Variants in EHD2 observed in about 807,000 individuals in gnomAD.
The protein encoded by EHD2 is EH domain containing 2.
EHD2 carries 27 observed loss-of-function variants against 41.0 expected under a neutral mutation model. The observed-to-expected ratio is 0.66, with a 90% CI of 0.49 to 0.91. The LOEUF is 0.91. EHD2 is among the 40% of genes least tolerant of loss of function. The pLI, the probability that EHD2 is intolerant of heterozygous loss-of-function variation, is 0.00. For missense variants in EHD2, 673 were observed against 773.9 expected (o/e 0.87, Z 1.55); for synonymous variants, 342 against 341.0 (o/e 1.00, Z -0.03).
chr19:47,721,020 C>G (rs886867617), intron 3 of EHD2, among the ~76,000 whole-genome samples: 2 of 152,010 alleles, frequency 1.3e-5, no homozygotes, highest in Non-Finnish European at 2.9e-5. Flanking sequence ...GTCTCTGTGT[C>G]TATGCCGTGT....
At chr19:47,737,520 G>A (rs1482998232) in intron 5 of EHD2, among the ~76,000 whole-genome samples, 2 of 151,224 alleles carry the variant, frequency 1.3e-5, no homozygotes, top group Non-Finnish European at 2.9e-5. Context: ...AGCTGGGCAT[G>A]GTGTTGCGTG....
At chr19:47,716,415 CTGTGACCACA>C (rs935203242) in intron 1 of EHD2, 133 bp from the exon 2 acceptor site, 21 of 548,730 alleles carry the variant, frequency 3.8e-5, no homozygotes, top group African/African-American at 3.8e-4. Context: ...CATCCATGCT[CTGTGACCACA>C]TATTTGTGAC....
chr19:47,736,256 C>A lies in EHD2; in HGVS notation c.916-113C>A, dbSNP rs1298017485. Reference sequence around the variant, plus strand: ...AATAAAAGAAATACAAATTCTCATGCCCCAGCCCAGACCAAGTAAATCAGA... The same window carrying A: ...AATAAAAGAAATACAAATTCTCATGACCCAGCCCAGACCAAGTAAATCAGA... On this transcript the variant is annotated intron_variant, in intron 4 of 5. Transcript: ENST00000263277. 7 of 956,074 alleles carry A rather than the reference C, an allele frequency of 7.3e-6. No individual in the cohort carries two copies. In the African/African-American group the frequency reaches 1.0e-4, roughly 14 times the overall value. The allele number at this position is 956,074 out of a possible 1,614,324, so 59.2% of individuals were successfully genotyped here. A position where few individuals can be genotyped will look rare whatever the true frequency, so the allele number is the denominator to read the frequency against.
Position 47,732,669 on chromosome 19 carries a change from C to G in EHD2, c.916-3700C>G, listed in dbSNP as rs373937203. Among the ~76,000 whole-genome samples, 102 of 152,254 alleles carry G rather than the reference C, an allele frequency of 6.7e-4. 2 individuals carry two copies. Among genetic ancestry groups the G allele is most frequent in the African/African-American group, 2.2e-3 (93 of 41,552 alleles). ...CTTCTGGCCTCAAGTGATCCTCCCC[C>G]CTTGGCTTCCCAAAGTGCTGGGATT... On this transcript the variant is annotated intron_variant, in intron 4 of 5. Coordinates refer to ENST00000263277, the MANE Select transcript of EHD2 (RefSeq NM_014601.4).
intron 4 of EHD2, 101 bp from the exon 5 acceptor site, chr19:47,736,268 C>T (rs1966921427): frequency 9.1e-7 from 1 of 1,104,656 alleles, no homozygotes; most frequent in Non-Finnish European, 1.3e-6. Context: ...CCAGCCCAGA[C>T]CAAGTAAATC....
chr19:47,735,548 T>A (rs987725230), intron 4 of EHD2, among the ~76,000 whole-genome samples: 1 of 151,474 alleles, frequency 6.6e-6, no homozygotes, highest in African/African-American at 2.4e-5. Flanking sequence ...CAGTAAGTTA[T>A]GATCGCACCA....
At chr19:47,739,108 T>A (rs1281175329) in intron 5 of EHD2, among the ~76,000 whole-genome samples, 1 of 151,714 alleles carries the variant, frequency 6.6e-6, no homozygotes, top group Non-Finnish European at 1.5e-5. Flanking sequence ...CCTGCACACT[T>A]TTTTGTTTTG....
Position 47,717,011 on chromosome 19 carries a change from C to T in EHD2, c.399C>T (p.Leu133=). ...TCAACCCTTTCGGAAACACCTTCCT[C>T]AACAGGTGTGCCAGCCGCGAGCCCA... ...RKLNPFGNTF[L]NRFMCAQLPN... The change falls in exon 2 of 6, where the codon CTC becomes CTT. Residue 133 remains leucine (L), a synonymous_variant. Transcript: ENST00000263277. 1 of 1,599,892 alleles carries T rather than the reference C, an allele frequency of 6.3e-7. No individual in the cohort carries two copies. Among genetic ancestry groups the T allele is most frequent in the East Asian group, 2.2e-5 (1 of 44,870 alleles).
In EHD2 at chr19:47,738,460, G is replaced by A. The variant is rs144948582; in HGVS notation, c.1080+1927G>A. On this transcript the variant is annotated intron_variant, in intron 5 of 5. Transcript: ENST00000263277. ...TGAGATTACAGGCATCCGCCACCACGCCCAGCTAATTTTGTATTTTTGGTA... is the reference window on the plus strand; with the variant it reads ...TGAGATTACAGGCATCCGCCACCACACCCAGCTAATTTTGTATTTTTGGTA... Among the ~76,000 whole-genome samples the A allele has an allele frequency of 1.7e-3, 262 of 151,550 alleles. No individual in the cohort carries two copies. The Middle Eastern group carries it at 0.024, about 14-fold the overall frequency.
chr19:47,741,501 C>T lies in EHD2; in HGVS notation c.*69C>T, dbSNP rs574661082. 2.7e-4 allele frequency: 394 copies of T among 1,485,232 alleles called. 1 individual carries two copies. Among genetic ancestry groups the T allele is most frequent in the Non-Finnish European group, 3.3e-4 (368 of 1,112,186 alleles). The allele number at this position is 1,485,232 out of a possible 1,614,324, so 92.0% of individuals were successfully genotyped here. A position where few individuals can be genotyped will look rare whatever the true frequency, so the allele number is the denominator to read the frequency against. On this transcript the variant is annotated 3_prime_UTR_variant, in exon 6 of 6. Transcript: ENST00000263277. The surrounding 1 kb of genome is among the most constrained non-coding windows in gnomAD (Gnocchi z 4.5). The stretch of plus-strand genomic sequence containing the variant: ...GTCGGCTGCACGCACACCCCTGCTC[C>T]GGCTCACACACGCCCTGCCTGCCCT...
intron 3 of EHD2, among the ~76,000 whole-genome samples, chr19:47,724,814 T>TA (rs1257650416): frequency 3.3e-5 from 5 of 151,676 alleles, no homozygotes; most frequent in Non-Finnish European, 5.9e-5. Flanking sequence ...CCGTCTCTAC[T>TA]AAAAATACAG....
intron 1 of EHD2, among the ~76,000 whole-genome samples, chr19:47,714,959 G>A (rs1447590973): frequency 6.6e-6 from 1 of 151,812 alleles, no homozygotes; most frequent in Non-Finnish European, 1.5e-5. Flanking sequence ...AATCCCTTGA[G>A]CCCCAGAGGT....
chr19:47,719,946 A>ATG lies in EHD2; in HGVS notation c.502+1363_502+1364dup, dbSNP rs59665711. ...AGAGTGTCCAGCTGTTGGTGTGTAT[A>ATG]TGTGTGTGTGTGTGTGTGTGTGTGA... On this transcript the variant is annotated intron_variant, in intron 3 of 5. Coordinates refer to ENST00000263277, the MANE Select transcript of EHD2 (RefSeq NM_014601.4). The surrounding 1 kb of genome is among the most constrained non-coding windows in gnomAD (Gnocchi z 4.1). Among the ~76,000 whole-genome samples, 14,262 of 146,972 alleles carry ATG rather than the reference A, an allele frequency of 0.097. 783 individuals are homozygous for ATG. The highest frequency in any genetic ancestry group is 0.12 in the Non-Finnish European group (8,320 of 66,840).
At chr19:47,738,970 C>G (rs1312494147) in intron 5 of EHD2, among the ~76,000 whole-genome samples, 8 of 152,158 alleles carry the variant, frequency 5.3e-5, no homozygotes, top group African/African-American at 1.9e-4. Flanking sequence ...GTCCCAGGAA[C>G]CCCTGATGAT....
Position 47,716,753 on chromosome 19 carries a change from G to C in EHD2, c.141G>C (p.Ser47=). 1 of 1,613,358 alleles carries C rather than the reference G, an allele frequency of 6.2e-7. No individual in the cohort carries two copies. Among genetic ancestry groups the C allele is most frequent in the Non-Finnish European group, 8.5e-7 (1 of 1,179,732 alleles). Reference sequence around the variant, plus strand: ...ACTACCGCTTTGGGGCCTTCCACTCGCCGGCCCTGGAGGACGCAGACTTCG... The same window carrying C: ...ACTACCGCTTTGGGGCCTTCCACTCCCCGGCCCTGGAGGACGCAGACTTCG... ...EEHYRFGAFH[S]PALEDADFDG... is the part of the protein sequence containing the mutation. The change falls in exon 2 of 6, where the codon TCG becomes TCC. Residue 47 remains serine (S), a synonymous_variant. Coordinates refer to ENST00000263277, the MANE Select transcript of EHD2 (RefSeq NM_014601.4).
At chr19:47,721,403 C>T (rs1207491959) in intron 3 of EHD2, among the ~76,000 whole-genome samples, 1 of 151,918 alleles carries the variant, frequency 6.6e-6, no homozygotes, top group Non-Finnish European at 1.5e-5. Context: ...CAACCTCCGC[C>T]TCCTGGGTTC....
chr19:47,740,227 C>T (rs959448099), intron 5 of EHD2, among the ~76,000 whole-genome samples: 15 of 150,932 alleles, frequency 9.9e-5, no homozygotes, highest in Admixed American at 2.7e-4. Context: ...ACTAGTTGGG[C>T]GTAGTGGCGC....
intron 3 of EHD2, among the ~76,000 whole-genome samples, chr19:47,722,570 T>TC (rs1169601271): frequency 5.4e-5 from 3 of 55,652 alleles, no homozygotes; most frequent in East Asian, 3.0e-4. Flanking sequence ...CTTCTCTCTC[T>TC]TTTTTTTTTT....
At position 47,716,948 on chromosome 19, in the gene EHD2, C is replaced by T. The variant is rs778742919; in HGVS notation, c.336C>T (p.Asn112=). 1.1e-5 allele frequency: 17 copies of T among 1,607,532 alleles called. No homozygotes were observed. The highest frequency in any genetic ancestry group is 2.2e-5 in the East Asian group (1 of 44,872). The change falls in exon 2 of 6, where the codon AAC becomes AAT. Residue 112 remains asparagine, a synonymous_variant. Coordinates refer to ENST00000263277, the MANE Select transcript of EHD2 (RefSeq NM_014601.4). ...HGDTEGTVPG[N]ALVVDPDKPF... ...ACACTGAGGGCACCGTGCCCGGCAA[C>T]GCCCTCGTCGTGGACCCGGACAAGC...
Sources: gnomAD v4.1 joint callset for allele counts (sites outside exome capture counted in the v4.1 genomes callset) on GRCh38, gnomAD v4.1.1 for gene constraint, Gnocchi (gnomAD v3.1) non-coding constraint, MANE v1.5 for transcripts, NCBI Gene and HGNC (gene_info 2026-07-23, HGNC 2026-07-21) for gene names.